PIGQ: variants seen among roughly 807,000 people sequenced by gnomAD.
PIGQ encodes the protein phosphatidylinositol glycan anchor biosynthesis class Q.
PIGQ carries 54 observed loss-of-function variants against 60.3 expected under a neutral mutation model. The ratio of observed to expected loss-of-function variants is 0.90; its 90% CI spans 0.72 to 1.12. The LOEUF (loss-of-function observed/expected upper bound fraction) is 1.12, where lower values mean the gene tolerates loss of function less well. PIGQ is among the 50% of genes most tolerant of loss of function. The pLI, the probability that PIGQ is intolerant of heterozygous loss-of-function variation, is 0.00. For missense variants in PIGQ, 799 were observed against 793.5 expected, an observed-to-expected ratio of 1.01 and a Z score of -0.08; for synonymous variants, 416 against 363.7, an observed-to-expected ratio of 1.14 and a Z score of -1.64.
rs201414474 is a variant in PIGQ, at chr16:582,295, C to T, written c.1579C>T (p.Arg527Cys). 139 of 1,601,548 alleles carry T rather than the reference C, an allele frequency of 8.7e-5. No homozygotes were observed. Among genetic ancestry groups the T allele is most frequent in the African/African-American group, 6.7e-4 (50 of 74,836 alleles). The part of the protein sequence containing the change: ...VLRHEAGRPL[R>C]LLMQINPLPY... ...CCGGCACGAGGCCGGCAGGCCCCTC[C>T]GCCTCCTGATGCAGGTGAGGCCCCT... The change falls in exon 10 of 11, where the codon CGC (arginine) becomes TGC (cysteine). Residue 527 changes from arginine (R) to cysteine (C), a missense_variant. Physicochemically the swap from Arg to Cys is radical, Grantham distance 180. Transcript: ENST00000321878.
At chr16:571,487 CCT>C (rs1491159132) in intron 1 of PIGQ, among the ~76,000 whole-genome samples, 59 of 60,148 alleles carry the variant, frequency 9.8e-4, no homozygotes, top group Non-Finnish European at 1.6e-3. Context: ...GTCTGGTTAG[CCT>C]GTGTGTGTGT....
At position 575,916 on chromosome 16, in the gene PIGQ, A is replaced by C; in HGVS notation, c.767A>C (p.His256Pro). ...GAACAGCTCCGGCACCGGCTGGAGC[A>C]CCTCACGCTAATCTTCAGTACACGG... ...TCEQLRHRLE[H>P]LTLIFSTRKA... is the part of the protein sequence containing the mutation. Residue 256 changes from histidine to proline, a missense_variant, in exon 3 of 11, where the codon CAC becomes CCC. Physicochemically the swap from His to Pro is moderately conservative, Grantham distance 77. Transcript: ENST00000321878. 1 of 1,579,556 alleles carries C rather than the reference A, an allele frequency of 6.3e-7. No homozygotes were observed. Among genetic ancestry groups the C allele is most frequent in the Non-Finnish European group, 8.6e-7 (1 of 1,162,650 alleles).
intron 4 of PIGQ, chr16:578,101 A>C: frequency 2.8e-6 from 1 of 352,640 alleles, no homozygotes; most frequent in Non-Finnish European, 5.3e-6. Context: ...GGGGAGGAAG[A>C]TGGTAGAGGT....
At chr16:572,821 G>A (rs1434853348) in intron 1 of PIGQ, among the ~76,000 whole-genome samples, 2 of 151,642 alleles carry the variant, frequency 1.3e-5, no homozygotes, top group African/African-American at 2.4e-5. Flanking sequence ...CAGGCGTCCC[G>A]CTCTGTTCCC....
intron 2 of PIGQ, 137 bp from the exon 3 acceptor site, chr16:575,702 C>T (rs1260587934): frequency 5.5e-6 from 5 of 901,264 alleles, no homozygotes; most frequent in African/African-American, 1.7e-5. Context: ...CCTGGGCCAC[C>T]GAGGGCCCCT....
At position 583,926 on chromosome 16, in the gene PIGQ, T is replaced by C. The variant is rs2035859099; in HGVS notation, c.*891T>C. On this transcript the variant is annotated 3_prime_UTR_variant, in exon 11 of 11. Transcript: ENST00000321878. The stretch of plus-strand genomic sequence containing the variant: ...GCACGGTCTGGGTGCGGGTGTTCCC[T>C]GTGAGCCCGAGTCCGCTTCAGGAGG... The C allele has an allele frequency of 3.2e-5, 15 of 473,908 alleles. No individual in the cohort carries two copies. Among genetic ancestry groups the C allele is most frequent in the South Asian group, 3.1e-4 (15 of 49,142 alleles). 29.4% of individuals were successfully genotyped at this position (473,908 alleles called of 1,614,324 possible). A position where few individuals can be genotyped will look rare whatever the true frequency, so the allele number is the denominator to read the frequency against.
intron 8 of PIGQ, 57 bp downstream of exon 8, chr16:580,320 A>AGC: frequency 7.3e-7 from 1 of 1,375,370 alleles, no homozygotes; most frequent in Non-Finnish European, 1.0e-6. Flanking sequence ...GGCTTCTGCC[A>AGC]GCGCTGCCTG....
intron 7 of PIGQ, 179 bp from the exon 8 acceptor site, chr16:580,004 G>A (rs553027327): frequency 6.5e-5 from 33 of 509,524 alleles, no homozygotes; most frequent in South Asian, 3.1e-4. Flanking sequence ...CCCCTAGTCC[G>A]TGGGGTGTGG....
chr16:582,294 C>T lies in PIGQ; in HGVS notation c.1578C>T (p.Leu526=). ...TCCGGCACGAGGCCGGCAGGCCCCT[C>T]CGCCTCCTGATGCAGGTGAGGCCCC... ...RVLRHEAGRP[L]RLLMQINPLP... is the part of the protein sequence containing the mutation. The change falls in exon 10 of 11, where the codon CTC becomes CTT. Residue 526 remains leucine, a synonymous_variant. Transcript: ENST00000321878. 1 of 1,601,890 alleles carries T rather than the reference C, an allele frequency of 6.2e-7. No homozygotes were observed. Among genetic ancestry groups the T allele is most frequent in the Non-Finnish European group, 8.5e-7 (1 of 1,173,066 alleles).
Position 576,034 on chromosome 16 carries a change from CT to C in PIGQ, c.821+65del, listed in dbSNP as rs751908436. 14 of 1,549,388 alleles carry C rather than the reference CT, an allele frequency of 9.0e-6. No homozygotes were observed. In the Admixed American group the frequency reaches 9.8e-5, roughly 11 times the overall value. On this transcript the variant is annotated intron_variant, in intron 3 of 10. Transcript: ENST00000321878. ...GCCCTCTGGCCCCTTCTCCATCCCC[CT>C]CTGCACCACGCTGACCCCTCCGGCC... is the stretch of plus-strand genomic sequence containing the variant.
At position 583,950 on chromosome 16, in the gene PIGQ, G is replaced by A; in HGVS notation, c.*915G>A. On this transcript the variant is annotated 3_prime_UTR_variant, in exon 11 of 11. Transcript: ENST00000321878. The stretch of plus-strand genomic sequence containing the variant: ...CTGTGAGCCCGAGTCCGCTTCAGGA[G>A]GGGAGCCTGCAGGTGCCGGCTGGTG... The A allele has an allele frequency of 4.6e-6, 2 of 437,986 alleles. No homozygotes were observed. Among genetic ancestry groups the A allele is most frequent in the South Asian group, 2.1e-5 (1 of 48,368 alleles). The allele number at this position is 437,986 out of a possible 1,614,324, so 27.1% of individuals were successfully genotyped here. A position where few individuals can be genotyped will look rare whatever the true frequency, so the allele number is the denominator to read the frequency against.
At chr16:579,867 G>T in intron 7 of PIGQ, 1 of 227,798 alleles carries the variant, frequency 4.4e-6, no homozygotes, top group Non-Finnish European at 8.4e-6. Context: ...GACTAGAGTT[G>T]CCCGGGCCCG....
At chr16:582,215 C>T (rs1274520898) in intron 9 of PIGQ, 33 bp from the exon 10 acceptor site, 10 of 1,475,532 alleles carry the variant, frequency 6.8e-6, no homozygotes, top group Admixed American at 1.9e-5. Flanking sequence ...AGCCCCCACG[C>T]GTCCCCTCGT....
rs2151045326 is a variant in PIGQ at position 575,880 on chromosome 16, T to C, written c.731T>C (p.Leu244Pro). The change falls in exon 3 of 11, where the codon CTC becomes CCC. Residue 244 changes from leucine (L) to proline (P), a missense_variant. Leu to Pro is a moderately conservative substitution (Grantham distance 98, BLOSUM62 -3). Coordinates refer to ENST00000321878, the MANE Select transcript of PIGQ (RefSeq NM_004204.5). ...LWPLSFLGSKLSTCEQLRHRL... is the reference protein window; with the variant it reads ...LWPLSFLGSKPSTCEQLRHRL... The stretch of plus-strand genomic sequence containing the variant: ...CCCCTGTCCTTCCTCGGGAGCAAAC[T>C]CTCCACGTGCGAACAGCTCCGGCAC... 2 of 1,573,418 alleles carry C rather than the reference T, an allele frequency of 1.3e-6. No homozygotes were observed. Among genetic ancestry groups the C allele is most frequent in the East Asian group, 4.7e-5 (2 of 42,908 alleles).
rs201005406 is a variant in PIGQ, at chr16:580,217, T to G, written c.1370T>G (p.Leu457Arg). ...FIGTLLFTIL[L>R]FLLPTTALYY... is the part of the protein sequence containing the mutation. ...GGGACTCTGCTCTTCACCATCCTGC[T>G]CTTCCTCCTGCCTACCACAGCCCTG... The change falls in exon 8 of 11, where the codon CTC becomes CGC. Residue 457 changes from leucine (L) to arginine (R), a missense_variant. Leu to Arg is a moderately radical substitution (Grantham distance 102). Transcript: ENST00000321878. 107 of 1,612,890 alleles carry G rather than the reference T, an allele frequency of 6.6e-5. No homozygotes were observed. Among genetic ancestry groups the G allele is most frequent in the Non-Finnish European group, 7.9e-5 (93 of 1,179,444 alleles).
chr16:578,605 C>T (rs1034976091), intron 5 of PIGQ, 100 bp downstream of exon 5: 2 of 1,462,068 alleles, frequency 1.4e-6, no homozygotes, highest in Non-Finnish European at 1.9e-6. Flanking sequence ...ACTCTGCTCC[C>T]CAGCGTCCTG....
rs757986361 is a variant in PIGQ, at chr16:582,288, G to C, written c.1572G>C (p.Arg524Ser). The C allele has an allele frequency of 6.2e-7, 1 of 1,602,954 alleles. No homozygotes were observed. Among genetic ancestry groups the C allele is most frequent in the Non-Finnish European group, 8.5e-7 (1 of 1,173,750 alleles). The change falls in exon 10 of 11, where the codon AGG (arginine) becomes AGC (serine). Residue 524 changes from arginine (R) to serine (S), a missense_variant. By Grantham distance (110) the Arg-to-Ser change is moderately radical. Coordinates refer to ENST00000321878, the MANE Select transcript of PIGQ (RefSeq NM_004204.5). ...KFRVLRHEAG[R>S]PLRLLMQINP... is the part of the protein sequence containing the mutation. Reference sequence around the variant, plus strand: ...GTGTCCTCCGGCACGAGGCCGGCAGGCCCCTCCGCCTCCTGATGCAGGTGA... The same window carrying C: ...GTGTCCTCCGGCACGAGGCCGGCAGCCCCCTCCGCCTCCTGATGCAGGTGA...
At chr16:576,433 G>C in intron 4 of PIGQ, 179 bp downstream of exon 4, 2 of 730,804 alleles carry the variant, frequency 2.7e-6, no homozygotes, top group East Asian at 2.7e-5. Context: ...TGGGGCCTGG[G>C]CAGGGCAGGC....
rs1002402371 is a variant in PIGQ, at chr16:578,777, C to T, written c.1070-8C>T. ...AGCGCCTCCTGAGGGCCTACCCCAC[C>T]CTGCCAGGCTACATCCACCTCATGT... On this transcript the variant is annotated splice_polypyrimidine_tract_variant and splice_region_variant and intron_variant, in intron 5 of 10. Coordinates refer to ENST00000321878, the MANE Select transcript of PIGQ (RefSeq NM_004204.5). 1.2e-6 allele frequency: 2 copies of T among 1,612,086 alleles called. No homozygotes were observed. Among genetic ancestry groups the T allele is most frequent in the Non-Finnish European group, 1.7e-6 (2 of 1,178,776 alleles).
Sources: allele counts gnomAD v4.1 joint callset (sites outside exome capture counted in the v4.1 genomes callset), GRCh38; gene constraint gnomAD v4.1.1; transcripts MANE v1.5; gene names NCBI Gene and HGNC (gene_info 2026-07-23, HGNC 2026-07-21).